SLC25A26: variants seen among roughly 807,000 people sequenced by gnomAD.
The protein encoded by SLC25A26 is solute carrier family 25 member 26, also known as mitochondrial S-adenosylmethionine carrier protein.
In SLC25A26, 36 loss-of-function variants were observed where a neutral mutation model predicts 37.8. The observed-to-expected ratio is 0.95, with a 90% CI of 0.73 to 1.26. The LOEUF (loss-of-function observed/expected upper bound fraction) is 1.26, where lower values mean the gene tolerates loss of function less well. Among genes scored for constraint, SLC25A26 ranks in the 50% most tolerant of loss-of-function variants. SLC25A26 has a pLI of 0.00. For synonymous variants in SLC25A26, 129 were observed against 122.5 expected (o/e 1.05, Z -0.35); for missense variants, 390 against 331.1 (o/e 1.18, Z -1.38).
intron 1 of SLC25A26, among the ~76,000 whole-genome samples, chr3:66,209,457 G>T (rs2071244047): frequency 7.3e-6 from 1 of 136,770 alleles, no homozygotes. Flanking sequence ...ATATATAAAG[G>T]TGTATATATA....
intron 1 of SLC25A26, among the ~76,000 whole-genome samples, chr3:66,226,502 C>G (rs1553660706): frequency 6.6e-6 from 1 of 151,956 alleles, no homozygotes; most frequent in Non-Finnish European, 1.5e-5. Flanking sequence ...GAGACAAGGT[C>G]TTCCTCTGTT....
rs1243691035 is a variant in SLC25A26 at position 66,377,940 on chromosome 3, T to C, written c.*133T>C. On this transcript the variant is annotated 3_prime_UTR_variant, in exon 10 of 10. Coordinates refer to ENST00000354883, the MANE Select transcript of SLC25A26 (RefSeq NM_001379210.1). ...TTGTGCTAAGATACCGGCATGGAGA[T>C]TGTGCCATCCGTGGTATAGGCTGGC... 7.1e-6 allele frequency: 5 copies of C among 700,366 alleles called. No homozygotes were observed. The highest frequency in any genetic ancestry group is 3.5e-5 in the African/African-American group (2 of 56,502). 43.4% of individuals were successfully genotyped at this position (700,366 alleles called of 1,614,324 possible).
intron 1 of SLC25A26, among the ~76,000 whole-genome samples, chr3:66,231,783 T>G (rs1382898476): frequency 6.7e-6 from 1 of 150,162 alleles, no homozygotes; most frequent in African/African-American, 2.5e-5. Context: ...TTTTTTTGAT[T>G]AGAGACAGGA....
At chr3:66,214,888 G>T (rs1379642339) in intron 1 of SLC25A26, among the ~76,000 whole-genome samples, 1 of 152,194 alleles carries the variant, frequency 6.6e-6, no homozygotes, top group Non-Finnish European at 1.5e-5. Flanking sequence ...AGCACTTTGG[G>T]AAGCTGAGGT....
chr3:66,161,967 C>T (rs1453127060), intron 1 of SLC25A26, among the ~76,000 whole-genome samples: 1 of 152,164 alleles, frequency 6.6e-6, no homozygotes, highest in African/African-American at 2.4e-5. Flanking sequence ...TGGAAGACTT[C>T]CAGAGCATGT....
chr3:66,215,249 T>C (rs2071343368), intron 1 of SLC25A26, among the ~76,000 whole-genome samples: 1 of 152,214 alleles, frequency 6.6e-6, no homozygotes, highest in Admixed American at 6.5e-5. Flanking sequence ...TCACCCAGGC[T>C]GGAATGCAGT....
chr3:66,143,914 G>A (rs2070075704), intron 1 of SLC25A26, among the ~76,000 whole-genome samples: 3 of 152,014 alleles, frequency 2.0e-5, no homozygotes, highest in African/African-American at 4.8e-5. Context: ...GATGAGAACA[G>A]CAAAGCCTTA....
intron 5 of SLC25A26, among the ~76,000 whole-genome samples, chr3:66,331,199 C>A (rs1026828491): frequency 1.3e-5 from 2 of 151,904 alleles, no homozygotes; most frequent in African/African-American, 4.8e-5. Flanking sequence ...TTTCTCCCTT[C>A]CTCCCTTCCT....
chr3:66,136,310 T>A (rs527320417), intron 1 of SLC25A26, among the ~76,000 whole-genome samples: 2 of 152,250 alleles, frequency 1.3e-5, no homozygotes, highest in African/African-American at 2.4e-5. Context: ...TTTATGTCTA[T>A]ATGATAGTCA....
At chr3:66,298,818 G>A (rs1320796597) in intron 5 of SLC25A26, among the ~76,000 whole-genome samples, 6 of 152,168 alleles carry the variant, frequency 3.9e-5, no homozygotes. Flanking sequence ...TTGCTATTTG[G>A]AGAATTGCTT....
intron 8 of SLC25A26, among the ~76,000 whole-genome samples, chr3:66,370,310 C>T (rs1205127819): frequency 2.0e-5 from 3 of 152,214 alleles, no homozygotes; most frequent in Non-Finnish European, 4.4e-5. Flanking sequence ...TAAGCAGCCA[C>T]CTGTGTGGCA....
At chr3:66,159,040 A>T (rs1216180112) in intron 1 of SLC25A26, among the ~76,000 whole-genome samples, 3 of 152,152 alleles carry the variant, frequency 2.0e-5, no homozygotes, top group South Asian at 2.1e-4. Flanking sequence ...GGGAGGATGT[A>T]GAGTCTGGGA....
At chr3:66,135,807 C>T (rs1387525542) in intron 1 of SLC25A26, among the ~76,000 whole-genome samples, 1 of 152,066 alleles carries the variant, frequency 6.6e-6, no homozygotes, top group Non-Finnish European at 1.5e-5. Flanking sequence ...TTTACAGATC[C>T]AGTCTTAACA....
intron 1 of SLC25A26, among the ~76,000 whole-genome samples, chr3:66,179,373 A>G (rs898504559): frequency 6.6e-6 from 1 of 152,202 alleles, no homozygotes; most frequent in Non-Finnish European, 1.5e-5. Flanking sequence ...GTATCTTCAG[A>G]CACTCAGAAG....
At chr3:66,319,133 CATCACTTAA>C (rs777278532) in intron 5 of SLC25A26, among the ~76,000 whole-genome samples, 8 of 152,280 alleles carry the variant, frequency 5.3e-5, no homozygotes, top group South Asian at 4.1e-4. Context: ...CAGGAGTTAG[CATCACTTAA>C]ATCAGGTTAG....
intron 3 of SLC25A26, among the ~76,000 whole-genome samples, chr3:66,251,071 G>A (rs1311135271): frequency 6.6e-6 from 1 of 152,114 alleles, no homozygotes; most frequent in African/African-American, 2.4e-5. Flanking sequence ...GCAAGGAGGG[G>A]TGTTAGAGTT....
chr3:66,344,441 C>T (rs956167290), intron 5 of SLC25A26, among the ~76,000 whole-genome samples: 8 of 151,518 alleles, frequency 5.3e-5, no homozygotes, highest in African/African-American at 1.7e-4. Flanking sequence ...CCCGCCTGAC[C>T]GACAAAGCAA....
intron 1 of SLC25A26, among the ~76,000 whole-genome samples, chr3:66,230,575 G>A (rs1052674705): frequency 6.6e-6 from 1 of 151,194 alleles, no homozygotes. Flanking sequence ...AGGCTGAGGT[G>A]GGCGGATCAC....
chr3:66,195,202 T>C (rs1672959459), intron 1 of SLC25A26, among the ~76,000 whole-genome samples: 1 of 152,182 alleles, frequency 6.6e-6, no homozygotes, highest in African/African-American at 2.4e-5. Flanking sequence ...CTCCGCCCCA[T>C]ACCCCCTACC....
Sources: gnomAD v4.1 joint callset for allele counts (sites outside exome capture counted in the v4.1 genomes callset) on GRCh38, gnomAD v4.1.1 for gene constraint, MANE v1.5 for transcripts, NCBI Gene and HGNC (gene_info 2026-07-23, HGNC 2026-07-21) for gene names.